The following TMEM132C variants were observed in gnomAD, a reference collection of about 807,000 sequenced individuals.
The protein encoded by TMEM132C is protein phosphatase 1, regulatory subunit 152.
Under a neutral mutation model 61.4 loss-of-function variants are expected in TMEM132C, and 29 were observed. That is an observed-to-expected ratio of 0.47 (90% CI 0.35 to 0.64). TMEM132C has a LOEUF of 0.64. Ranked by LOEUF, TMEM132C falls within the 30% of genes least tolerant of loss-of-function variation. The pLI, the probability that TMEM132C is intolerant of heterozygous loss-of-function variation, is 0.00. For missense variants in TMEM132C, 1,408 were observed against 1,476.9 expected, an observed-to-expected ratio of 0.95 and a Z score of 0.76; for synonymous variants, 656 against 633.1, an observed-to-expected ratio of 1.04 and a Z score of -0.54.
At chr12:128,692,531 G>A (rs186353444) in intron 5 of TMEM132C, among the ~76,000 whole-genome samples, 3 of 152,236 alleles carry the variant, frequency 2.0e-5, no homozygotes, top group Non-Finnish European at 4.4e-5. Flanking sequence ...TCAATTCATC[G>A]GGGTGGCAGA....
chr12:128,677,164 T>G (rs186924066), intron 5 of TMEM132C, among the ~76,000 whole-genome samples: 7 of 152,358 alleles, frequency 4.6e-5, no homozygotes, highest in African/African-American at 1.7e-4. Flanking sequence ...AGCTGTGTCT[T>G]GCTTGCAGTT....
rs1240723851 is a variant in TMEM132C, at chr12:128,612,388, TG to T, written c.1122-3763del. 3.9e-5 allele frequency among the ~76,000 whole-genome samples: 6 copies of T among 152,340 alleles called. No individual in the cohort carries two copies. In the East Asian group the frequency reaches 9.7e-4, roughly 25 times the overall value. On this transcript the variant is annotated intron_variant, in intron 3 of 8. Coordinates refer to ENST00000435159, the MANE Select transcript of TMEM132C (RefSeq NM_001136103.3). ...CAGAAAGCTGGAGTTTTCATCCAGT[TG>T]TGAAACTTGTATTTTTTTTTCCATT...
At position 128,697,254 on chromosome 12, in the gene TMEM132C, G is replaced by T; in HGVS notation, c.1960G>T (p.Ala654Ser). 6.5e-7 allele frequency: 1 copy of T among 1,534,544 alleles called. No individual in the cohort carries two copies. Among genetic ancestry groups the T allele is most frequent in the Non-Finnish European group, 8.8e-7 (1 of 1,133,128 alleles). ...VLSPLSDSILAEKTITVLDDK... is the reference protein window; with the variant it reads ...VLSPLSDSILSEKTITVLDDK... Reference sequence around the variant, plus strand: ...GTCTCCACTGTCTGACTCCATCCTGGCAGAGAAGACAATAACCGTGCTAGA... The same window carrying T: ...GTCTCCACTGTCTGACTCCATCCTGTCAGAGAAGACAATAACCGTGCTAGA... Residue 654 changes from alanine to serine, a missense_variant, in exon 8 of 9, where the codon GCA becomes TCA. Physicochemically the swap from Ala to Ser is moderately conservative, Grantham distance 99. Transcript: ENST00000435159.
At chr12:128,661,179 A>G (rs891288857) in intron 4 of TMEM132C, among the ~76,000 whole-genome samples, 17 of 152,236 alleles carry the variant, frequency 1.1e-4, no homozygotes, top group African/African-American at 4.1e-4. Flanking sequence ...AGTGCTGTCC[A>G]CAGGCAAGAT....
intron 3 of TMEM132C, among the ~76,000 whole-genome samples, chr12:128,601,315 C>T (rs1016259507): frequency 5.3e-5 from 8 of 152,158 alleles, no homozygotes; most frequent in Non-Finnish European, 1.0e-4. Context: ...GTGTGACTGT[C>T]GGGGCACTCG....
At chr12:128,653,953 GTGACACCAGCCCTTTCTACTCTGCTGTGT>G (rs1433794839) in intron 4 of TMEM132C, among the ~76,000 whole-genome samples, 7 of 152,290 alleles carry the variant, frequency 4.6e-5, no homozygotes, top group African/African-American at 7.2e-5. Context: ...CCCTCCTGTG[GTGACACCAGCCCTTTCTACTCTGCTGTGT>G]TGACACCAGC....
intron 5 of TMEM132C, among the ~76,000 whole-genome samples, chr12:128,670,135 C>T (rs754877211): frequency 6.6e-6 from 1 of 152,116 alleles, no homozygotes; most frequent in Non-Finnish European, 1.5e-5. Flanking sequence ...CATGGTGAAA[C>T]CCCATCTCTA....
chr12:128,529,252 A>G (rs555325364), intron 2 of TMEM132C, among the ~76,000 whole-genome samples: 1 of 150,210 alleles, frequency 6.7e-6, no homozygotes, highest in African/African-American at 2.5e-5. Flanking sequence ...ACAAACACAG[A>G]GTACCCCCCA....
intron 1 of TMEM132C, among the ~76,000 whole-genome samples, chr12:128,271,629 C>T (rs1236527905): frequency 2.0e-5 from 3 of 152,144 alleles, no homozygotes; most frequent in Non-Finnish European, 4.4e-5. Context: ...CAAAGCTGAG[C>T]AGGGGTGTCC....
intron 4 of TMEM132C, among the ~76,000 whole-genome samples, chr12:128,657,269 C>T (rs1954335549): frequency 6.6e-6 from 1 of 152,128 alleles, no homozygotes; most frequent in Non-Finnish European, 1.5e-5. Context: ...GAACTGGTTT[C>T]CCTGCTTGAA....
chr12:128,312,674 C>T (rs768913045), intron 1 of TMEM132C, among the ~76,000 whole-genome samples: 2 of 152,198 alleles, frequency 1.3e-5, no homozygotes, highest in Non-Finnish European at 2.9e-5. Context: ...CTGGGAGACT[C>T]ATGAAACAGA....
intron 2 of TMEM132C, among the ~76,000 whole-genome samples, chr12:128,543,355 G>C (rs1164335590): frequency 6.6e-6 from 1 of 152,176 alleles, no homozygotes; most frequent in African/African-American, 2.4e-5. Flanking sequence ...TTACAGAGGA[G>C]GGAGGTGAGG....
intron 2 of TMEM132C, among the ~76,000 whole-genome samples, chr12:128,448,155 T>C (rs147763862): frequency 1.8e-4 from 27 of 152,292 alleles, no homozygotes; most frequent in African/African-American, 6.3e-4. Context: ...GTGGGAGGCA[T>C]TGAAGGTTAC....
At chr12:128,668,953 C>T (rs897443518) in intron 4 of TMEM132C, among the ~76,000 whole-genome samples, 2 of 152,152 alleles carry the variant, frequency 1.3e-5, no homozygotes, top group Admixed American at 6.5e-5. Flanking sequence ...AATTCAATCA[C>T]AATTGCAATG....
chr12:128,348,694 G>A (rs1388836737), intron 1 of TMEM132C, among the ~76,000 whole-genome samples: 1 of 152,228 alleles, frequency 6.6e-6, no homozygotes, highest in Non-Finnish European at 1.5e-5. Flanking sequence ...AAGGTTTCCA[G>A]CCAACCAAGA....
At chr12:128,618,958 G>C (rs1211372404) in intron 4 of TMEM132C, among the ~76,000 whole-genome samples, 1 of 152,152 alleles carries the variant, frequency 6.6e-6, no homozygotes, top group Non-Finnish European at 1.5e-5. Context: ...AATTTAGAGG[G>C]ACTTCTATTC....
In TMEM132C at chr12:128,679,695, G is replaced by T. The variant is rs187223701; in HGVS notation, c.1449+10135G>T. ...CTCTTCACGGATATTTATTGAGCAC[G>T]TACTATGCTCTGGGGATACAGTCAT... is the stretch of plus-strand genomic sequence containing the variant. On this transcript the variant is annotated intron_variant, in intron 5 of 8. Coordinates refer to ENST00000435159, the MANE Select transcript of TMEM132C (RefSeq NM_001136103.3). Among the ~76,000 whole-genome samples, 9 of 152,282 alleles carry T rather than the reference G, an allele frequency of 5.9e-5. No homozygotes were observed. The South Asian group carries it at 1.7e-3, about 28-fold the overall frequency.
In TMEM132C at chr12:128,523,125, G is replaced by A. The variant is rs572596174; in HGVS notation, c.975-20832G>A. The stretch of plus-strand genomic sequence containing the variant: ...ACATTACAACATGGATGAACCCTGC[G>A]AACACCGTGCTAAGTGAAATAAGAC... On this transcript the variant is annotated intron_variant, in intron 2 of 8. Transcript: ENST00000435159. 4.6e-5 allele frequency among the ~76,000 whole-genome samples: 7 copies of A among 152,248 alleles called. No homozygotes were observed. In the South Asian group the frequency reaches 6.2e-4, roughly 14 times the overall value.
At chr12:128,378,877 C>T (rs1874310706) in intron 1 of TMEM132C, among the ~76,000 whole-genome samples, 1 of 152,140 alleles carries the variant, frequency 6.6e-6, no homozygotes, top group Non-Finnish European at 1.5e-5. Flanking sequence ...CCCCATGCTG[C>T]TGTTCTTGTG....
Sources: allele counts gnomAD v4.1 joint callset (sites outside exome capture counted in the v4.1 genomes callset), GRCh38; gene constraint gnomAD v4.1.1; transcripts MANE v1.5; gene names NCBI Gene and HGNC (gene_info 2026-07-23, HGNC 2026-07-21).